The following CPQ variants were observed in gnomAD, a reference collection of about 807,000 sequenced individuals.
The protein encoded by CPQ is carboxypeptidase Q.
Under a neutral mutation model 45.7 loss-of-function variants are expected in CPQ, and 37 were observed. That is an observed-to-expected ratio of 0.81 (90% CI 0.62 to 1.07). CPQ has a LOEUF of 1.07. CPQ is among the 50% of genes least tolerant of loss of function. The pLI is 0.00. For missense variants in CPQ, 537 were observed against 572.9 expected (o/e 0.94, Z 0.64); for synonymous variants, 186 against 205.8 (o/e 0.90, Z 0.82).
intron 1 of CPQ, among the ~76,000 whole-genome samples, chr8:96,773,990 G>A (rs1208995139): frequency 6.6e-6 from 1 of 152,118 alleles, no homozygotes; most frequent in East Asian, 1.9e-4. Context: ...TTCAACATGG[G>A]CCAGGTATGA....
intron 2 of CPQ, among the ~76,000 whole-genome samples, chr8:96,814,225 C>G (rs1811196818): frequency 6.6e-6 from 1 of 151,916 alleles, no homozygotes; most frequent in Admixed American, 6.6e-5. Context: ...TTTCCTGAAG[C>G]TCTATTGTTT....
At chr8:96,767,754 C>T (rs767722765) in intron 1 of CPQ, among the ~76,000 whole-genome samples, 6 of 147,744 alleles carry the variant, frequency 4.1e-5, no homozygotes, top group Non-Finnish European at 8.9e-5. Context: ...AGCGATTCTC[C>T]TGCCTCAGCT....
Position 96,835,102 on chromosome 8 carries a change from C to T in CPQ, c.563C>T (p.Thr188Met), listed in dbSNP as rs757303134. The change falls in exon 3 of 8, where the codon ACG (threonine) becomes ATG (methionine). Residue 188 changes from threonine (T) to methionine (M), a missense_variant. Physicochemically the swap from Thr to Met is moderately conservative, Grantham distance 81. Coordinates refer to ENST00000220763, the MANE Select transcript of CPQ (RefSeq NM_016134.4). Reference sequence around the variant, plus strand: ...TACTCAAGGACGGTGCAATACCGAACGCAGGGGGCGGTGGAAGCTGCCAAG... The same window carrying T: ...TACTCAAGGACGGTGCAATACCGAATGCAGGGGGCGGTGGAAGCTGCCAAG... ...INYSRTVQYRTQGAVEAAKVG... is the reference protein window; with the variant it reads ...INYSRTVQYRMQGAVEAAKVG... 92 of 1,601,072 alleles carry T rather than the reference C, an allele frequency of 5.7e-5. No individual in the cohort carries two copies. The highest frequency in any genetic ancestry group is 7.0e-5 in the Non-Finnish European group (82 of 1,173,524).
At chr8:96,668,897 C>T (rs1191236634) in intron 1 of CPQ, among the ~76,000 whole-genome samples, 1 of 151,738 alleles carries the variant, frequency 6.6e-6, no homozygotes, top group Non-Finnish European at 1.5e-5. Context: ...CCAGCAAAAG[C>T]CTGTTTTCTC....
chr8:96,833,736 G>A (rs979948327), intron 2 of CPQ, among the ~76,000 whole-genome samples: 12 of 152,120 alleles, frequency 7.9e-5, no homozygotes, highest in African/African-American at 2.9e-4. Flanking sequence ...TGTTGGTGAA[G>A]GCATACCTAT....
At chr8:96,864,323 C>T (rs1811968542) in intron 3 of CPQ, among the ~76,000 whole-genome samples, 1 of 152,010 alleles carries the variant, frequency 6.6e-6, no homozygotes, top group African/African-American at 2.4e-5. Context: ...AAGATATTGC[C>T]ATCTGGAGTT....
intron 7 of CPQ, among the ~76,000 whole-genome samples, chr8:97,122,333 GT>G (rs1563586496): frequency 6.6e-6 from 1 of 152,098 alleles, no homozygotes; most frequent in South Asian, 2.1e-4. Flanking sequence ...AATCACTGAT[GT>G]TTTTTGAGAA....
intron 1 of CPQ, among the ~76,000 whole-genome samples, chr8:96,671,738 C>A (rs947507532): frequency 9.9e-5 from 15 of 152,056 alleles, no homozygotes; most frequent in Non-Finnish European, 2.2e-4. Context: ...AACATAGTTG[C>A]CAACTTCTCC....
intron 1 of CPQ, among the ~76,000 whole-genome samples, chr8:96,743,149 A>G (rs1358860046): frequency 1.3e-5 from 2 of 151,944 alleles, no homozygotes; most frequent in African/African-American, 2.4e-5. Flanking sequence ...ACGTAGTCCC[A>G]TATTTCTTGG....
At chr8:97,005,087 T>C (rs1479446938) in intron 5 of CPQ, among the ~76,000 whole-genome samples, 1 of 151,660 alleles carries the variant, frequency 6.6e-6, no homozygotes, top group Non-Finnish European at 1.5e-5. Flanking sequence ...GTATTTATGA[T>C]CTTTTTTTTT....
intron 5 of CPQ, among the ~76,000 whole-genome samples, chr8:97,006,583 G>A (rs556997268): frequency 1.3e-5 from 2 of 152,140 alleles, no homozygotes; most frequent in Non-Finnish European, 2.9e-5. Flanking sequence ...TCAGCCAAAC[G>A]TAGCTGATTC....
chr8:96,665,693 T>C (rs1808911791), intron 1 of CPQ, among the ~76,000 whole-genome samples: 1 of 152,140 alleles, frequency 6.6e-6, no homozygotes, highest in Non-Finnish European at 1.5e-5. Flanking sequence ...CTCTCCAGGG[T>C]TCAAATATGA....
At chr8:96,814,056 G>A (rs10955085) in intron 2 of CPQ, among the ~76,000 whole-genome samples, 79,137 of 151,412 alleles carry the variant, frequency 0.52, 21,824 homozygotes, top group East Asian at 0.88. Context: ...AGTTTCTTTA[G>A]GTCTTACCAA....
At chr8:96,693,409 G>A (rs1809330644) in intron 1 of CPQ, among the ~76,000 whole-genome samples, 1 of 151,918 alleles carries the variant, frequency 6.6e-6, no homozygotes, top group Non-Finnish European at 1.5e-5. Flanking sequence ...CTACCTCAAG[G>A]CATTTAATAG....
In CPQ at chr8:96,748,162, T is replaced by C. The variant is rs547982278; in HGVS notation, c.-34-36702T>C. On this transcript the variant is annotated intron_variant, in intron 1 of 7. Transcript: ENST00000220763. Reference sequence around the variant, plus strand: ...CATTACTACAGTAATCATCAATCTCTTCTTATTCACTTCCATCCTTTGTAT... The same window carrying C: ...CATTACTACAGTAATCATCAATCTCCTCTTATTCACTTCCATCCTTTGTAT... Among the ~76,000 whole-genome samples, 140 of 152,362 alleles carry C rather than the reference T, an allele frequency of 9.2e-4. 1 individual carries two copies. The highest frequency in any genetic ancestry group is 1.7e-3 in the Non-Finnish European group (114 of 68,040).
At position 96,870,764 on chromosome 8, in the gene CPQ, C is replaced by T. The variant is rs184549127; in HGVS notation, c.642-9034C>T. Among the ~76,000 whole-genome samples, 7 of 152,102 alleles carry T rather than the reference C, an allele frequency of 4.6e-5. No homozygotes were observed. The East Asian group carries it at 1.4e-3, about 29-fold the overall frequency. ...TAGCTTGGAGTGTTCTGTCAAAAAG[C>T]CTAACATCTCTTTGTGGTATTTTGT... is the stretch of plus-strand genomic sequence containing the variant. On this transcript the variant is annotated intron_variant, in intron 3 of 7. Transcript: ENST00000220763.
chr8:97,097,817 A>G (rs1811234576), intron 7 of CPQ, among the ~76,000 whole-genome samples: 1 of 152,054 alleles, frequency 6.6e-6, no homozygotes, highest in South Asian at 2.1e-4. Flanking sequence ...AGAGAGAGAG[A>G]GAGAGAAAGA....
chr8:96,695,182 A>T (rs1170844723), intron 1 of CPQ, among the ~76,000 whole-genome samples: 1 of 150,124 alleles, frequency 6.7e-6, no homozygotes, highest in African/African-American at 2.5e-5. Flanking sequence ...AAAAACAAGC[A>T]ATGGGGAAAG....
At chr8:96,749,141 C>T (rs961186085) in intron 1 of CPQ, among the ~76,000 whole-genome samples, 1 of 151,994 alleles carries the variant, frequency 6.6e-6, no homozygotes, top group Non-Finnish European at 1.5e-5. Flanking sequence ...AGTTTATGTT[C>T]CATAATTGAT....
Sources: allele counts gnomAD v4.1 joint callset (sites outside exome capture counted in the v4.1 genomes callset), GRCh38; gene constraint gnomAD v4.1.1; transcripts MANE v1.5; gene names NCBI Gene and HGNC (gene_info 2026-07-23, HGNC 2026-07-21).